The following NFIC variants were observed in gnomAD, a reference collection of about 807,000 sequenced individuals.
NFIC encodes nuclear factor I C.
NFIC carries 12 observed loss-of-function variants against 54.4 expected under a neutral mutation model. The ratio of observed to expected loss-of-function variants is 0.22; its 90% CI spans 0.14 to 0.36. NFIC has a LOEUF of 0.36. Ranked by LOEUF, NFIC falls within the 10% of genes least tolerant of loss-of-function variation. NFIC has a pLI of 1.00. For missense variants in NFIC, 575 were observed against 718.2 expected (o/e 0.80, Z 2.28); for synonymous variants, 322 against 319.2 (o/e 1.01, Z -0.09).
intron 2 of NFIC, among the ~76,000 whole-genome samples, chr19:3,405,254 C>T (rs1349648918): frequency 6.6e-6 from 1 of 152,338 alleles, no homozygotes; most frequent in South Asian, 2.1e-4. Flanking sequence ...GAGGTCACCC[C>T]GTCCACGCCT....
At chr19:3,405,927 TC>T (rs1000752932) in intron 2 of NFIC, among the ~76,000 whole-genome samples, 4 of 151,944 alleles carry the variant, frequency 2.6e-5, no homozygotes, top group African/African-American at 9.6e-5. Flanking sequence ...TTTCTTCCTT[TC>T]TTTTTTTGAA....
chr19:3,432,408 C>G lies in NFIC; in HGVS notation c.635-1110C>G, dbSNP rs571770164. ...GCAGGGTCGGGGCAGACAGACATCC[C>G]TGCCCACACGGACCTCCCAGTCTGA... On this transcript the variant is annotated intron_variant, in intron 3 of 10. Transcript: ENST00000443272. Among the ~76,000 whole-genome samples, 13 of 152,278 alleles carry G rather than the reference C, an allele frequency of 8.5e-5. 2 individuals carry two copies. Among genetic ancestry groups the G allele is most frequent in the African/African-American group, 3.1e-4 (13 of 41,546 alleles).
At chr19:3,409,702 A>G (rs1040225840) in intron 2 of NFIC, among the ~76,000 whole-genome samples, 48 of 152,230 alleles carry the variant, frequency 3.2e-4, no homozygotes, top group Admixed American at 2.9e-3. Context: ...GTCATGAGCT[A>G]GGATGGACTG....
chr19:3,445,514 T>C (rs1045985854), intron 6 of NFIC, among the ~76,000 whole-genome samples: 9 of 152,136 alleles, frequency 5.9e-5, no homozygotes, highest in African/African-American at 1.2e-4. Context: ...GCCCGCCTCC[T>C]CCAGAGCCGG....
intron 10 of NFIC, 66 bp downstream of exon 10, chr19:3,456,701 C>G: frequency 7.4e-7 from 1 of 1,346,018 alleles, no homozygotes; most frequent in East Asian, 2.5e-5. Flanking sequence ...CCGGGGGGCT[C>G]AGGGCGAAGA....
chr19:3,456,138 C>T (rs938263291), intron 9 of NFIC, among the ~76,000 whole-genome samples: 15 of 152,370 alleles, frequency 9.8e-5, no homozygotes, highest in Non-Finnish European at 1.2e-4. Context: ...CTGCCCTCTC[C>T]GGGAGGAAGA....
chr19:3,382,338 G>A (rs1248997113), intron 2 of NFIC, 95 bp downstream of exon 2: 29 of 1,491,238 alleles, frequency 1.9e-5, no homozygotes, highest in African/African-American at 9.6e-5. Context: ...AGGCCAGTGC[G>A]TGTGGGTATG....
chr19:3,430,055 T>TC (rs2082097107), intron 3 of NFIC, among the ~76,000 whole-genome samples: 2 of 151,952 alleles, frequency 1.3e-5, no homozygotes, highest in Non-Finnish European at 2.9e-5. Context: ...ATAGCCTCCC[T>TC]CCCCACCCTA....
rs901800644 is a variant in NFIC at position 3,467,324 on chromosome 19, T to C, written c.*4555T>C. The C allele has an allele frequency of 6.7e-6, 1 of 148,714 alleles. No homozygotes were observed. Among genetic ancestry groups the C allele is most frequent in the Non-Finnish European group, 1.5e-5 (1 of 67,486 alleles). 9.2% of individuals were successfully genotyped at this position (148,714 alleles called of 1,614,324 possible). A position where few individuals can be genotyped will look rare whatever the true frequency, so the allele number is the denominator to read the frequency against. On this transcript the variant is annotated 3_prime_UTR_variant, in exon 11 of 11. Transcript: ENST00000443272. Reference sequence around the variant, plus strand: ...CCCATTCCGTGGGGGCACCTGACAATGACCCGGGTGGAGATGGGGCATGGA... The same window carrying C: ...CCCATTCCGTGGGGGCACCTGACAACGACCCGGGTGGAGATGGGGCATGGA...
chr19:3,408,711 C>T (rs574521958), intron 2 of NFIC, among the ~76,000 whole-genome samples: 2 of 152,306 alleles, frequency 1.3e-5, no homozygotes, highest in East Asian at 1.9e-4. Flanking sequence ...AAGCAGTTCT[C>T]CTGCCTCAGC....
intron 1 of NFIC, among the ~76,000 whole-genome samples, chr19:3,371,955 C>CCTT (rs371243017): frequency 7.6e-6 from 1 of 132,044 alleles, no homozygotes; most frequent in African/African-American, 2.8e-5. Context: ...CTCCCTCCCT[C>CCTT]CTTCCTTCTT....
Position 3,466,776 on chromosome 19 carries a change from A to C in NFIC, c.*4007A>C, listed in dbSNP as rs1360752340. On this transcript the variant is annotated 3_prime_UTR_variant, in exon 11 of 11. Transcript: ENST00000443272. The surrounding 1 kb of genome is among the most constrained non-coding windows in gnomAD (Gnocchi z 4.8). ...TATTGGGACCATCGCGTCCCTGCAC[A>C]GCCCACACCCGGGGGCCCAGAGTCC... 2 of 152,030 alleles carry C rather than the reference A, an allele frequency of 1.3e-5. No homozygotes were observed. The highest frequency in any genetic ancestry group is 2.9e-5 in the Non-Finnish European group (2 of 68,020). 9.4% of individuals were successfully genotyped at this position (152,030 alleles called of 1,614,324 possible).
intron 2 of NFIC, among the ~76,000 whole-genome samples, chr19:3,394,600 G>T (rs1242073741): frequency 1.5e-5 from 2 of 137,732 alleles, no homozygotes; most frequent in African/African-American, 2.7e-5. Context: ...GTGGCCAGGG[G>T]CTGCTGTATT....
intron 2 of NFIC, among the ~76,000 whole-genome samples, chr19:3,398,169 G>C (rs563511530): frequency 6.6e-6 from 1 of 152,206 alleles, no homozygotes; most frequent in East Asian, 1.9e-4. Context: ...TCTTCACCTT[G>C]CTCCGTGCCT....
chr19:3,384,053 T>G (rs920561880), intron 2 of NFIC, among the ~76,000 whole-genome samples: 3 of 148,940 alleles, frequency 2.0e-5, no homozygotes, highest in South Asian at 2.1e-4. Context: ...CCCAGTGTTT[T>G]TTTTTTTTTT....
chr19:3,399,997 C>A (rs1233842125), intron 2 of NFIC, among the ~76,000 whole-genome samples: 1 of 151,502 alleles, frequency 6.6e-6, no homozygotes, highest in African/African-American at 2.4e-5. Context: ...CCAGCCTGGG[C>A]AACATAGCAA....
At chr19:3,359,976 C>T (rs1038755713) in intron 1 of NFIC, among the ~76,000 whole-genome samples, 1 of 150,130 alleles carries the variant, frequency 6.7e-6, no homozygotes, top group East Asian at 2.0e-4. Flanking sequence ...CCGGAGAAGG[C>T]CCCCGCAACC....
chr19:3,464,845 T>A lies in NFIC; in HGVS notation c.*2076T>A. On this transcript the variant is annotated 3_prime_UTR_variant, in exon 11 of 11. Coordinates refer to ENST00000443272, the MANE Select transcript of NFIC (RefSeq NM_001245002.2). ...CCGCTCCCCCGGTGGCCCTTGGGGATCAAAGCGTGGGCCGCTCTCCGGGAG... is the reference window on the plus strand; with the variant it reads ...CCGCTCCCCCGGTGGCCCTTGGGGAACAAAGCGTGGGCCGCTCTCCGGGAG... 3 of 338,264 alleles carry A rather than the reference T, an allele frequency of 8.9e-6. No individual in the cohort carries two copies. Among genetic ancestry groups the A allele is most frequent in the African/African-American group, 2.3e-5 (1 of 44,374 alleles). 21.0% of individuals were successfully genotyped at this position (338,264 alleles called of 1,614,324 possible).
intron 2 of NFIC, among the ~76,000 whole-genome samples, chr19:3,409,058 A>G (rs7255927): frequency 0.38 from 57,456 of 151,750 alleles, 12,221 homozygotes; most frequent in East Asian, 0.71. Flanking sequence ...TCTAAAATGG[A>G]TTGTATCATA....
Sources: allele counts gnomAD v4.1 joint callset (sites outside exome capture counted in the v4.1 genomes callset), GRCh38; gene constraint gnomAD v4.1.1; non-coding constraint Gnocchi (gnomAD v3.1); transcripts MANE v1.5; gene names NCBI Gene and HGNC (gene_info 2026-07-23, HGNC 2026-07-21).